The following DGKB variants were observed in gnomAD, a reference collection of about 807,000 sequenced individuals.
The protein encoded by DGKB is 90 kDa diacylglycerol kinase.
DGKB carries 67 observed loss-of-function variants against 114.3 expected under a neutral mutation model. That is an observed-to-expected ratio of 0.59 (90% CI 0.48 to 0.72). The LOEUF is 0.72. Ranked by LOEUF, DGKB falls within the 30% of genes least tolerant of loss-of-function variation. The pLI is 0.00. For synonymous variants in DGKB, 398 were observed against 323.1 expected, an observed-to-expected ratio of 1.23 and a Z score of -2.49; for missense variants, 907 against 975.2, an observed-to-expected ratio of 0.93 and a Z score of 0.93.
At chr7:14,879,959 T>A (rs1459113884) in intron 1 of DGKB, among the ~76,000 whole-genome samples, 1 of 152,158 alleles carries the variant, frequency 6.6e-6, no homozygotes, top group Non-Finnish European at 1.5e-5. Flanking sequence ...TACTTAGCAT[T>A]TCTCAGCCTC....
intron 20 of DGKB, among the ~76,000 whole-genome samples, chr7:14,546,327 C>T (rs775826119): frequency 6.6e-6 from 1 of 152,096 alleles, no homozygotes; most frequent in Admixed American, 6.5e-5. Flanking sequence ...ACAGAACTCT[C>T]TTTACTATGC....
chr7:14,176,560 A>G, intron 25 of DGKB: 2 of 1,107,868 alleles, frequency 1.8e-6, no homozygotes, highest in Non-Finnish European at 2.2e-6. Context: ...GTTTAGCTCC[A>G]TAGTTTATAA....
chr7:14,214,059 G>T (rs1020990469), intron 23 of DGKB, among the ~76,000 whole-genome samples: 1 of 151,430 alleles, frequency 6.6e-6, no homozygotes, highest in African/African-American at 2.4e-5. Flanking sequence ...GTTCATCTCT[G>T]ATGCCACCAT....
chr7:14,878,474 C>A (rs572147457), intron 1 of DGKB, among the ~76,000 whole-genome samples: 48 of 152,070 alleles, frequency 3.2e-4, no homozygotes, highest in Non-Finnish European at 5.3e-4. Context: ...GGCCAGGCAC[C>A]GTGGCTCACA....
chr7:14,645,713 C>T (rs1399139645), intron 13 of DGKB, among the ~76,000 whole-genome samples: 2 of 151,478 alleles, frequency 1.3e-5, no homozygotes, highest in African/African-American at 2.4e-5. Context: ...AAAAAAAAAC[C>T]TGTCAGCCAA....
At chr7:14,259,526 A>C (rs1796456853) in intron 23 of DGKB, among the ~76,000 whole-genome samples, 1 of 152,026 alleles carries the variant, frequency 6.6e-6, no homozygotes, top group Non-Finnish European at 1.5e-5. Flanking sequence ...TCCCGGCTTC[A>C]AGTCATTCTC....
intron 2 of DGKB, among the ~76,000 whole-genome samples, chr7:14,785,546 T>C (rs1170492295): frequency 6.6e-6 from 1 of 152,178 alleles, no homozygotes; most frequent in Non-Finnish European, 1.5e-5. Flanking sequence ...ACTGCTGTAC[T>C]TTTGTCTGCA....
intron 4 of DGKB, among the ~76,000 whole-genome samples, chr7:14,737,583 C>T (rs558404032): frequency 9.9e-5 from 15 of 151,968 alleles, no homozygotes; most frequent in East Asian, 1.9e-4. Flanking sequence ...AGTTTACATA[C>T]GATGTTTGCT....
At chr7:14,326,134 C>G (rs1257097133) in intron 23 of DGKB, among the ~76,000 whole-genome samples, 1 of 148,654 alleles carries the variant, frequency 6.7e-6, no homozygotes, top group Non-Finnish European at 1.5e-5. Context: ...AAACTAAAAA[C>G]TAAAACCTGT....
At chr7:14,231,082 C>CCTTTCTTTCT (rs1486312653) in intron 23 of DGKB, among the ~76,000 whole-genome samples, 10 of 121,874 alleles carry the variant, frequency 8.2e-5, no homozygotes, top group South Asian at 2.7e-4. Flanking sequence ...TTCTTCTTTC[C>CCTTTCTTTCT]CTTTCTTTCT....
chr7:14,785,575 G>A (rs2128495669), intron 2 of DGKB, among the ~76,000 whole-genome samples: 1 of 152,212 alleles, frequency 6.6e-6, no homozygotes, highest in East Asian at 1.9e-4. Context: ...AGAGACAGAG[G>A]ATTCCTTAGA....
chr7:14,890,987 A>G (rs906312566), intron 1 of DGKB, among the ~76,000 whole-genome samples: 1 of 151,486 alleles, frequency 6.6e-6, no homozygotes, highest in Non-Finnish European at 1.5e-5. Context: ...ATAGAATAAC[A>G]TTATTGAGTA....
intron 23 of DGKB, among the ~76,000 whole-genome samples, chr7:14,258,700 T>C (rs1012207873): frequency 6.6e-6 from 1 of 152,172 alleles, no homozygotes; most frequent in South Asian, 2.1e-4. Context: ...ATCAAGTCTA[T>C]GTACAGCAGG....
At chr7:14,867,193 G>A (rs1416549902) in intron 1 of DGKB, among the ~76,000 whole-genome samples, 1 of 152,022 alleles carries the variant, frequency 6.6e-6, no homozygotes, top group Non-Finnish European at 1.5e-5. Context: ...CTCAATCACT[G>A]ATAATTGTCT....
At chr7:14,653,657 TA>T (rs201785873) in intron 13 of DGKB, among the ~76,000 whole-genome samples, 35,763 of 146,792 alleles carry the variant, frequency 0.24, 6,604 homozygotes, top group African/African-American at 0.5. Context: ...AAGTATAATT[TA>T]AAAAAAAAAA....
At chr7:14,854,699 A>T (rs2191476) in intron 1 of DGKB, among the ~76,000 whole-genome samples, 2 of 152,094 alleles carry the variant, frequency 1.3e-5, no homozygotes, top group Admixed American at 1.3e-4. Flanking sequence ...TGCCACAGAC[A>T]AGTACTGGTA....
At chr7:14,428,298 CT>C in intron 21 of DGKB, among the ~76,000 whole-genome samples, 1 of 152,118 alleles carries the variant, frequency 6.6e-6, no homozygotes, top group South Asian at 2.1e-4. Context: ...TTTACTGCTT[CT>C]ATTTTGACTT....
At chr7:14,327,149 C>G (rs1808887280) in intron 23 of DGKB, among the ~76,000 whole-genome samples, 1 of 152,072 alleles carries the variant, frequency 6.6e-6, no homozygotes, top group African/African-American at 2.4e-5. Flanking sequence ...ATTTCAGTAT[C>G]TACCATAAAC....
intron 13 of DGKB, among the ~76,000 whole-genome samples, chr7:14,662,145 T>C (rs1361601869): frequency 6.6e-6 from 1 of 151,952 alleles, no homozygotes; most frequent in African/African-American, 2.4e-5. Context: ...GCATGGCACA[T>C]GTATACATAT....
Sources: allele counts gnomAD v4.1 joint callset (sites outside exome capture counted in the v4.1 genomes callset), GRCh38; gene constraint gnomAD v4.1.1; transcripts MANE v1.5; gene names NCBI Gene and HGNC (gene_info 2026-07-23, HGNC 2026-07-21).